Variants in GFRA1 observed in about 807,000 individuals in gnomAD.
GFRA1 encodes the protein GDNF family receptor alpha 1.
Under a neutral mutation model 51.6 loss-of-function variants are expected in GFRA1, and 16 were observed. That is an observed-to-expected ratio of 0.31 (90% CI 0.21 to 0.47). The LOEUF (loss-of-function observed/expected upper bound fraction) is 0.47, where lower values mean the gene tolerates loss of function less well. GFRA1 is among the 20% of genes least tolerant of loss of function. GFRA1 has a pLI of 1.00. For missense variants in GFRA1, 530 were observed against 594.3 expected, an observed-to-expected ratio of 0.89 and a Z score of 1.13; for synonymous variants, 270 against 241.3, an observed-to-expected ratio of 1.12 and a Z score of -1.10.
chr10:116,175,706 C>T (rs1040609021), intron 5 of GFRA1, among the ~76,000 whole-genome samples: 2 of 152,186 alleles, frequency 1.3e-5, no homozygotes, highest in African/African-American at 4.8e-5. Context: ...GGGACTGCTC[C>T]ATGACCATAG....
At chr10:116,238,465 C>T (rs1967084488) in intron 4 of GFRA1, among the ~76,000 whole-genome samples, 1 of 152,218 alleles carries the variant, frequency 6.6e-6, no homozygotes, top group Non-Finnish European at 1.5e-5. Flanking sequence ...TATATTTACA[C>T]ATGCAATATA....
intron 8 of GFRA1, among the ~76,000 whole-genome samples, chr10:116,091,185 A>G (rs1169661248): frequency 6.6e-6 from 1 of 152,192 alleles, no homozygotes; most frequent in Non-Finnish European, 1.5e-5. Flanking sequence ...GCCTTGCCAC[A>G]TCAGCGGTTC....
intron 9 of GFRA1, among the ~76,000 whole-genome samples, chr10:116,071,112 G>A (rs568526568): frequency 3.9e-4 from 59 of 152,274 alleles, no homozygotes; most frequent in African/African-American, 1.2e-3. Flanking sequence ...CAAGCCCCAC[G>A]GACCCTGGCC....
intron 5 of GFRA1, among the ~76,000 whole-genome samples, chr10:116,136,361 C>A (rs1359416732): frequency 1.3e-5 from 2 of 152,148 alleles, no homozygotes; most frequent in Non-Finnish European, 2.9e-5. Flanking sequence ...CCTGTGCGAG[C>A]TCCACTGATA....
intron 4 of GFRA1, among the ~76,000 whole-genome samples, chr10:116,238,467 T>C (rs1339270177): frequency 6.6e-6 from 1 of 152,236 alleles, no homozygotes; most frequent in Non-Finnish European, 1.5e-5. Context: ...TATTTACACA[T>C]GCAATATACA....
intron 5 of GFRA1, among the ~76,000 whole-genome samples, chr10:116,181,890 G>A (rs1171651300): frequency 1.3e-5 from 2 of 152,120 alleles, no homozygotes; most frequent in African/African-American, 2.4e-5. Flanking sequence ...TGATCCACCC[G>A]CCTCGGCCTC....
intron 9 of GFRA1, among the ~76,000 whole-genome samples, chr10:116,085,195 G>C (rs970337215): frequency 1.4e-4 from 21 of 152,218 alleles, no homozygotes; most frequent in Non-Finnish European, 2.8e-4. Context: ...TCCCCAAACA[G>C]AACTGCGTTT....
At chr10:116,109,053 A>C (rs1395858768) in intron 6 of GFRA1, among the ~76,000 whole-genome samples, 1 of 152,188 alleles carries the variant, frequency 6.6e-6, no homozygotes, top group Non-Finnish European at 1.5e-5. Flanking sequence ...AACTACATTC[A>C]CATAGAACCT....
At chr10:116,244,450 A>C (rs1044152058) in intron 4 of GFRA1, among the ~76,000 whole-genome samples, 11 of 146,638 alleles carry the variant, frequency 7.5e-5, no homozygotes, top group Admixed American at 7.5e-4. Context: ...TTAAAATTTA[A>C]TTTAATTTAA....
intron 6 of GFRA1, among the ~76,000 whole-genome samples, chr10:116,100,773 G>C (rs890213833): frequency 6.6e-6 from 1 of 152,168 alleles, no homozygotes; most frequent in African/African-American, 2.4e-5. Flanking sequence ...GGAGGGGAAG[G>C]GGTGGTTCCC....
rs1555140472 is a variant in GFRA1 at position 116,057,990 on chromosome 10, T to TTTTGTGTGTG, written c.*6407_*6408insCACACACAAA. 7.8e-6 allele frequency: 1 copy of TTTTGTGTGTG among 129,028 alleles called. No homozygotes were observed. The highest frequency in any genetic ancestry group is 2.9e-5 in the African/African-American group (1 of 34,022). The allele number at this position is 129,028 out of a possible 1,614,324, so 8.0% of individuals were successfully genotyped here. A position where few individuals can be genotyped will look rare whatever the true frequency, so the allele number is the denominator to read the frequency against. ...GCTGGATCATATAGCCCTCCAATCATTGTGTGTGTGTGTGTGTGTGTGTGT... is the reference window on the plus strand; with the variant it reads ...GCTGGATCATATAGCCCTCCAATCATTTTGTGTGTGTGTGTGTGTGTGTGTGTGTGTGTGT... On this transcript the variant is annotated 3_prime_UTR_variant, in exon 11 of 11. Coordinates refer to ENST00000355422, the MANE Select transcript of GFRA1 (RefSeq NM_005264.8).
At chr10:116,177,932 C>T (rs997690612) in intron 5 of GFRA1, among the ~76,000 whole-genome samples, 21 of 152,186 alleles carry the variant, frequency 1.4e-4, no homozygotes, top group African/African-American at 4.8e-4. Flanking sequence ...CAGAAGCAAA[C>T]CCTCTAGAGA....
rs140660277 is a variant in GFRA1 at position 116,145,475 on chromosome 10, T to G, written c.434-19918A>C. ...AAGGAAAAACTTAGCAGTGTATTATTTAAATGGATGCTAGTGAGAGTCGAA... is the reference window on the plus strand; with the variant it reads ...AAGGAAAAACTTAGCAGTGTATTATGTAAATGGATGCTAGTGAGAGTCGAA... On this transcript the variant is annotated intron_variant, in intron 5 of 10. Coordinates refer to ENST00000355422, the MANE Select transcript of GFRA1 (RefSeq NM_005264.8). Among the ~76,000 whole-genome samples, 212 of 152,234 alleles carry G rather than the reference T, an allele frequency of 1.4e-3. 1 individual carries two copies. Among genetic ancestry groups the G allele is most frequent in the African/African-American group, 4.7e-3 (197 of 41,550 alleles).
chr10:116,125,177 T>C, intron 6 of GFRA1, 44 bp downstream of exon 6: 1 of 1,537,720 alleles, frequency 6.5e-7, no homozygotes, highest in Non-Finnish European at 9.0e-7. Flanking sequence ...CGCCAAGACT[T>C]TCCCTGTCAC....
intron 4 of GFRA1, among the ~76,000 whole-genome samples, chr10:116,256,616 A>C (rs563164483): frequency 6.6e-6 from 1 of 152,218 alleles, no homozygotes; most frequent in South Asian, 2.1e-4. Flanking sequence ...TCTCCCCTCA[A>C]GCAGGTGCTC....
chr10:116,139,387 A>G (rs376690795), intron 5 of GFRA1, among the ~76,000 whole-genome samples: 18 of 152,300 alleles, frequency 1.2e-4, no homozygotes, highest in African/African-American at 4.3e-4. Context: ...TGCTCAATAA[A>G]AAGTAGGTTT....
chr10:116,061,705 G>C lies in GFRA1; in HGVS notation c.*2693C>G, dbSNP rs939290751. On this transcript the variant is annotated 3_prime_UTR_variant, in exon 11 of 11. Coordinates refer to ENST00000355422, the MANE Select transcript of GFRA1 (RefSeq NM_005264.8). ...CCTCAGCAGATAACCCCTGTCTTCA[G>C]TGGCACCCCAAATGCCCGGACTGAA... The C allele has an allele frequency of 2.3e-5, 7 of 299,142 alleles. No individual in the cohort carries two copies. Among genetic ancestry groups the C allele is most frequent in the Non-Finnish European group, 4.3e-5 (7 of 163,992 alleles). 18.5% of individuals were successfully genotyped at this position (299,142 alleles called of 1,614,324 possible).
intron 5 of GFRA1, among the ~76,000 whole-genome samples, chr10:116,181,198 G>C (rs539651617): frequency 5.3e-5 from 8 of 152,202 alleles, no homozygotes; most frequent in Non-Finnish European, 1.5e-5. Context: ...GTGTGTGGGA[G>C]GTACTGCTAT....
chr10:116,139,556 G>T (rs955797377), intron 5 of GFRA1, among the ~76,000 whole-genome samples: 2 of 152,220 alleles, frequency 1.3e-5, no homozygotes, highest in African/African-American at 2.4e-5. Flanking sequence ...GAGTGTTGGG[G>T]TCAAGATGAT....
Sources: gnomAD v4.1 joint callset for allele counts (sites outside exome capture counted in the v4.1 genomes callset) on GRCh38, gnomAD v4.1.1 for gene constraint, MANE v1.5 for transcripts, NCBI Gene and HGNC (gene_info 2026-07-23, HGNC 2026-07-21) for gene names.